Variants in SYNJ1 observed in about 807,000 individuals in gnomAD.
The protein encoded by SYNJ1 is synaptojanin 1.
SYNJ1 carries 78 observed loss-of-function variants against 168.2 expected under a neutral mutation model. The ratio of observed to expected loss-of-function variants is 0.46; its 90% CI spans 0.39 to 0.56. The LOEUF is 0.56. Among genes scored for constraint, SYNJ1 ranks in the 20% least tolerant of loss-of-function variants. The probability of loss-of-function intolerance (pLI) is 0.00; values close to 1 mark genes in which losing one functional copy is unlikely to be tolerated. For missense variants in SYNJ1, 1,303 were observed against 1,597.6 expected (o/e 0.82, Z 3.14); for synonymous variants, 539 against 548.6 (o/e 0.98, Z 0.24).
At chr21:32,682,535 G>A (rs1238033318) in intron 10 of SYNJ1, among the ~76,000 whole-genome samples, 1 of 152,148 alleles carries the variant, frequency 6.6e-6, no homozygotes, top group Non-Finnish European at 1.5e-5. Flanking sequence ...CACCAGAGCT[G>A]TTCTTTGCTA....
intron 31 of SYNJ1, among the ~76,000 whole-genome samples, chr21:32,637,891 G>A (rs1281239962): frequency 1.3e-5 from 2 of 152,094 alleles, no homozygotes; most frequent in African/African-American, 2.4e-5. Flanking sequence ...TTTAATATCT[G>A]TTTTCACCCT....
At chr21:32,643,642 T>C (rs1265241719) in intron 26 of SYNJ1, among the ~76,000 whole-genome samples, 185 bp from the exon 27 acceptor site, 1 of 152,150 alleles carries the variant, frequency 6.6e-6, no homozygotes, top group East Asian at 1.9e-4. Context: ...CAAATCTGAA[T>C]CCTCCCTTTA....
intron 31 of SYNJ1, among the ~76,000 whole-genome samples, chr21:32,638,146 G>A (rs1317716707): frequency 6.6e-6 from 1 of 152,136 alleles, no homozygotes; most frequent in Non-Finnish European, 1.5e-5. Flanking sequence ...ATGGCTCACT[G>A]CAGCCTTGAT....
chr21:32,661,550 C>T (rs1019537255), intron 18 of SYNJ1, among the ~76,000 whole-genome samples: 5 of 152,020 alleles, frequency 3.3e-5, no homozygotes, highest in East Asian at 1.9e-4. Context: ...CATAACGGGC[C>T]GGTGTTTGTG....
chr21:32,686,941 C>T, intron 8 of SYNJ1, 37 bp downstream of exon 8: 1 of 1,301,122 alleles, frequency 7.7e-7, no homozygotes. Flanking sequence ...TCTAGGTGTC[C>T]ATGGGCCAGA....
chr21:32,656,926 T>C (rs776672484), intron 20 of SYNJ1, 24 bp from the exon 21 acceptor site: 4 of 1,611,696 alleles, frequency 2.5e-6, no homozygotes, highest in East Asian at 2.2e-5. Flanking sequence ...GGAAGATAGA[T>C]GTATTAGAAA....
rs540738306 is a variant in SYNJ1 at position 32,632,514 on chromosome 21, T to C, written c.*4-713A>G. ...GATTCTTGTGCCTCAGCCTCTTGAG[T>C]AGCTGGGACTACAGGCGTGTGCCAC... On this transcript the variant is annotated intron_variant, in intron 32 of 32. Transcript: ENST00000674351. 2.6e-4 allele frequency among the ~76,000 whole-genome samples: 40 copies of C among 152,088 alleles called. No homozygotes were observed. The Middle Eastern group carries it at 0.01, about 39-fold the overall frequency.
intron 3 of SYNJ1, among the ~76,000 whole-genome samples, chr21:32,700,691 A>C (rs1304243088): frequency 1.3e-5 from 2 of 152,182 alleles, no homozygotes; most frequent in East Asian, 1.9e-4. Context: ...ACAAGAAAAA[A>C]ACTTTATCAA....
intron 31 of SYNJ1, among the ~76,000 whole-genome samples, chr21:32,638,056 A>G (rs186094719): frequency 1.9e-4 from 29 of 152,288 alleles, no homozygotes; most frequent in African/African-American, 7.0e-4. Context: ...GTGTAAAAGA[A>G]GACTTTTTAT....
At chr21:32,654,852 G>A (rs2040401361) in intron 21 of SYNJ1, among the ~76,000 whole-genome samples, 1 of 152,098 alleles carries the variant, frequency 6.6e-6, no homozygotes, top group African/African-American at 2.4e-5. Flanking sequence ...AAATAAAGGG[G>A]TTCACAGGGT....
chr21:32,670,458 A>C, intron 14 of SYNJ1, 86 bp from the exon 15 acceptor site: 318 of 963,630 alleles, frequency 3.3e-4, no homozygotes, highest in Middle Eastern at 5.0e-4. Context: ...ACCAGGTCTC[A>C]TAAAGACTGA....
intron 9 of SYNJ1, among the ~76,000 whole-genome samples, chr21:32,685,178 T>A (rs1409803287): frequency 7.4e-6 from 1 of 134,236 alleles, no homozygotes; most frequent in South Asian, 2.3e-4. Flanking sequence ...CGAGACTCCG[T>A]CTCAAAAAAA....
intron 14 of SYNJ1, chr21:32,670,890 ACT>A: frequency 3.6e-6 from 3 of 835,692 alleles, no homozygotes; most frequent in Non-Finnish European, 4.3e-6. Flanking sequence ...AAGACACATC[ACT>A]CTGTCTAGCT....
intron 23 of SYNJ1, 143 bp downstream of exon 23, chr21:32,650,041 C>T (rs1398762210): frequency 2.0e-6 from 2 of 1,003,708 alleles, no homozygotes; most frequent in South Asian, 2.0e-5. Flanking sequence ...TGAGCTGCCG[C>T]ACCTGGCCAA....
intron 14 of SYNJ1, among the ~76,000 whole-genome samples, chr21:32,671,006 T>C (rs917097987): frequency 3.3e-5 from 5 of 151,884 alleles, no homozygotes; most frequent in African/African-American, 1.2e-4. Flanking sequence ...TGAGGACAAA[T>C]AGCTAGAAAG....
chr21:32,672,876 T>C (rs2041259832), intron 14 of SYNJ1, among the ~76,000 whole-genome samples: 1 of 152,180 alleles, frequency 6.6e-6, no homozygotes, highest in African/African-American at 2.4e-5. Context: ...AAATGGGACA[T>C]AGTAGGTTTG....
At chr21:32,638,757 C>T (rs2039692205) in intron 31 of SYNJ1, 151 bp downstream of exon 31, 38 of 482,962 alleles carry the variant, frequency 7.9e-5, no homozygotes, top group Non-Finnish European at 9.6e-5. Flanking sequence ...TATATATATA[C>T]ACATATATAT....
intron 14 of SYNJ1, chr21:32,670,922 C>T (rs1194254648): frequency 6.5e-6 from 4 of 612,984 alleles, no homozygotes; most frequent in African/African-American, 6.0e-5. Flanking sequence ...CTGGAAACTA[C>T]AAGGACTAAC....
chr21:32,632,958 TG>T (rs1245650186), intron 32 of SYNJ1, among the ~76,000 whole-genome samples: 1 of 152,134 alleles, frequency 6.6e-6, no homozygotes, highest in Non-Finnish European at 1.5e-5. Context: ...AGGCAGAGGT[TG>T]CAGTGAGCTG....
Sources: gnomAD v4.1 joint callset for allele counts (sites outside exome capture counted in the v4.1 genomes callset) on GRCh38, gnomAD v4.1.1 for gene constraint, MANE v1.5 for transcripts, NCBI Gene and HGNC (gene_info 2026-07-23, HGNC 2026-07-21) for gene names.